MAST2: variants seen among roughly 807,000 people sequenced by gnomAD.
MAST2 encodes microtubule-associated serine/threonine-protein kinase 2.
MAST2 carries 70 observed loss-of-function variants against 147.4 expected under a neutral mutation model. The ratio of observed to expected loss-of-function variants is 0.47; its 90% CI spans 0.39 to 0.58. The LOEUF (loss-of-function observed/expected upper bound fraction) is 0.58, where lower values mean the gene tolerates loss of function less well. Ranked by LOEUF, MAST2 falls within the 20% of genes least tolerant of loss-of-function variation. The pLI is 0.00. For missense variants in MAST2, 2,080 were observed against 2,302.3 expected (o/e 0.90, Z 1.98); for synonymous variants, 869 against 896.8 (o/e 0.97, Z 0.55).
chr1:45,853,435 A>G (rs1342590925), intron 3 of MAST2, among the ~76,000 whole-genome samples: 3 of 151,952 alleles, frequency 2.0e-5, no homozygotes, highest in Admixed American at 1.3e-4. Flanking sequence ...GCTCACGGCA[A>G]CCTCTACCTC....
intron 3 of MAST2, among the ~76,000 whole-genome samples, chr1:45,862,573 G>T (rs1646017871): frequency 6.7e-6 from 1 of 149,222 alleles, no homozygotes; most frequent in Non-Finnish European, 1.5e-5. Flanking sequence ...GGGTTTGAAT[G>T]ATTTTTCTGC....
intron 4 of MAST2, among the ~76,000 whole-genome samples, chr1:45,885,549 T>C (rs545998645): frequency 6.6e-6 from 1 of 152,312 alleles, no homozygotes; most frequent in South Asian, 2.1e-4. Context: ...AGTCTCCAAA[T>C]TGGTAAGTGG....
At chr1:45,869,218 A>G (rs1646282057) in intron 3 of MAST2, among the ~76,000 whole-genome samples, 1 of 152,160 alleles carries the variant, frequency 6.6e-6, no homozygotes, top group Admixed American at 6.5e-5. Context: ...TTCAAATATT[A>G]TAGTCATTAT....
At position 46,032,168 on chromosome 1, in the gene MAST2, CCTT is replaced by C; in HGVS notation, c.3188-7_3188-5del. ...TCTGACCCACTAAGTCCTGGCTTCT[CCTT>C]CTCCAGAACACCACACCTGCTCCCC... On this transcript the variant is annotated splice_polypyrimidine_tract_variant and splice_region_variant and intron_variant, in intron 24 of 28. Transcript: ENST00000361297. The C allele has an allele frequency of 2.5e-6, 4 of 1,612,070 alleles. No homozygotes were observed. The highest frequency in any genetic ancestry group is 1.1e-5 in the South Asian group (1 of 91,042).
chr1:46,031,680 T>C lies in MAST2; in HGVS notation c.3187+95T>C. 1 of 1,224,680 alleles carries C rather than the reference T, an allele frequency of 8.2e-7. No individual in the cohort carries two copies. Among genetic ancestry groups the C allele is most frequent in the Admixed American group, 2.3e-5 (1 of 44,034 alleles). The allele number at this position is 1,224,680 out of a possible 1,614,324, so 75.9% of individuals were successfully genotyped here. On this transcript the variant is annotated intron_variant, in intron 24 of 28. Coordinates refer to ENST00000361297, the MANE Select transcript of MAST2 (RefSeq NM_015112.3). The surrounding 1 kb of genome is among the most constrained non-coding windows in gnomAD (Gnocchi z 4.1). ...TCTGCACGTGGCAGGTGTGTGTGTG[T>C]GTGTTAAGCACAGATCTGACTGTGG...
At chr1:45,873,205 C>G (rs1301770745) in intron 3 of MAST2, among the ~76,000 whole-genome samples, 3 of 133,378 alleles carry the variant, frequency 2.2e-5, no homozygotes, top group Non-Finnish European at 4.9e-5. Context: ...TTTTTTTTCT[C>G]TTTTTTGAGA....
chr1:45,836,594 G>A lies in MAST2; in HGVS notation c.468+7013G>A, dbSNP rs117806091. Among the ~76,000 whole-genome samples the A allele has an allele frequency of 2.9e-3, 445 of 152,160 alleles. 3 individuals carry two copies. The highest frequency in any genetic ancestry group is 0.021 in the East Asian group (107 of 5,182). ...GTATTATAAAGAGATTCCAAATTCA[G>A]CACTTCCCCTTTCAGTATTACCTTT... On this transcript the variant is annotated intron_variant, in intron 3 of 28. Coordinates refer to ENST00000361297, the MANE Select transcript of MAST2 (RefSeq NM_015112.3).
chr1:45,984,628 A>G (rs1261242166), intron 5 of MAST2, among the ~76,000 whole-genome samples: 3 of 152,128 alleles, frequency 2.0e-5, no homozygotes, highest in Non-Finnish European at 2.9e-5. Flanking sequence ...TCTATAATAA[A>G]AGCAAGTCAA....
In MAST2 at chr1:46,006,337, G is replaced by A. The variant is rs1453829974; in HGVS notation, c.844G>A (p.Val282Ile). 16 of 1,613,798 alleles carry A rather than the reference G, an allele frequency of 9.9e-6. No homozygotes were observed. The highest frequency in any genetic ancestry group is 9.3e-5 in the African/African-American group (7 of 74,926). Residue 282 changes from valine (V) to isoleucine (I), a missense_variant, in exon 8 of 29, where the codon GTA becomes ATA. Physicochemically the swap from Val to Ile is conservative, Grantham distance 29 (BLOSUM62 3). Transcript: ENST00000361297. The stretch of plus-strand genomic sequence containing the variant: ...GACGAAGCATTTCAGCACAGAGAGC[G>A]TACCAGATGAGGAAGGACGGCAGTC... The part of the protein sequence containing the change: ...FLTKHFSTES[V>I]PDEEGRQSPA...
At chr1:46,017,157 C>G (rs1175269938) in intron 10 of MAST2, among the ~76,000 whole-genome samples, 1 of 152,130 alleles carries the variant, frequency 6.6e-6, no homozygotes, top group Non-Finnish European at 1.5e-5. Flanking sequence ...TTCCGTACAC[C>G]TTATATAAAA....
chr1:45,828,314 C>T (rs1336785478), intron 2 of MAST2, among the ~76,000 whole-genome samples: 2 of 152,204 alleles, frequency 1.3e-5, no homozygotes, highest in East Asian at 3.9e-4. Context: ...TTTTACCAGG[C>T]ACAGAAAGGA....
At position 45,965,205 on chromosome 1, in the gene MAST2, G is replaced by C. The variant is rs533845138; in HGVS notation, c.592+5728G>C. ...AAGAATGTATATTCTGTTGATTTGG[G>C]GTGGAGAGTTCTGTAGATGTCTATT... On this transcript the variant is annotated intron_variant, in intron 5 of 28. Transcript: ENST00000361297. Among the ~76,000 whole-genome samples the C allele has an allele frequency of 5.9e-5, 9 of 152,294 alleles. 1 individual carries two copies. Among genetic ancestry groups the C allele is most frequent in the Admixed American group, 1.3e-4 (2 of 15,298 alleles).
At chr1:45,920,180 G>T (rs879805511) in intron 4 of MAST2, among the ~76,000 whole-genome samples, 1 of 152,144 alleles carries the variant, frequency 6.6e-6, no homozygotes. Flanking sequence ...CCTGAAGAGG[G>T]TACCTGCTCA....
In MAST2 at chr1:45,824,545, A is replaced by G. The variant is rs763316202; in HGVS notation, c.290A>G (p.Lys97Arg). Residue 97 changes from lysine (K) to arginine (R), a missense_variant, in exon 2 of 29, where the codon AAG (lysine) becomes AGG (arginine). Physicochemically the swap from Lys to Arg is conservative, Grantham distance 26. Around this residue, in one of 4 missense-constraint regions of MAST2, gnomAD observed 569 missense variants for 642.5 expected, o/e 0.89. Coordinates refer to ENST00000361297, the MANE Select transcript of MAST2 (RefSeq NM_015112.3). ...CGACAACTGAGTCAGGATGATTGTA[A>G]GTTATGGAGAGGAAACCTGGCCAGC... ...LQRQLSQDDC[K>R]LWRGNLASSL... 1.2e-6 allele frequency: 2 copies of G among 1,607,126 alleles called. No homozygotes were observed. Among genetic ancestry groups the G allele is most frequent in the South Asian group, 2.2e-5 (2 of 89,760 alleles).
intron 4 of MAST2, among the ~76,000 whole-genome samples, chr1:45,906,577 AT>A (rs957122612): frequency 4.0e-5 from 6 of 148,692 alleles, no homozygotes; most frequent in African/African-American, 1.5e-4. Flanking sequence ...TTTATATGTT[AT>A]TATTATATAA....
chr1:46,030,052 T>C, intron 20 of MAST2, 77 bp from the exon 21 acceptor site: 1 of 1,603,870 alleles, frequency 6.2e-7, no homozygotes. Context: ...TTCTCAGGGC[T>C]CTGCTGAAAT....
intron 5 of MAST2, among the ~76,000 whole-genome samples, chr1:45,965,226 C>T (rs576941533): frequency 1.3e-5 from 2 of 152,244 alleles, no homozygotes; most frequent in South Asian, 4.1e-4. Context: ...CTGTAGATGT[C>T]TATTAGGTCC....
chr1:45,863,058 C>G (rs959587932), intron 3 of MAST2, among the ~76,000 whole-genome samples: 2 of 152,000 alleles, frequency 1.3e-5, no homozygotes, highest in Admixed American at 6.6e-5. Flanking sequence ...TTTTGGTAAT[C>G]TTTCCTCATC....
At chr1:45,964,206 T>G (rs1364482367) in intron 5 of MAST2, among the ~76,000 whole-genome samples, 1 of 152,126 alleles carries the variant, frequency 6.6e-6, no homozygotes. Flanking sequence ...GCCAGTCTTT[T>G]GTATCAGGAT....
Sources: allele counts gnomAD v4.1 joint callset (sites outside exome capture counted in the v4.1 genomes callset), GRCh38; gene constraint gnomAD v4.1.1; regional missense constraint gnomAD v4.1.1; non-coding constraint Gnocchi (gnomAD v3.1); transcripts MANE v1.5; gene names NCBI Gene and HGNC (gene_info 2026-07-23, HGNC 2026-07-21).